MICAL2: variants seen among roughly 807,000 people sequenced by gnomAD.
The protein encoded by MICAL2 is [F-actin]-monooxygenase MICAL2.
A neutral mutation model predicts 127.3 loss-of-function variants in MICAL2; 77 were observed. The ratio of observed to expected loss-of-function variants is 0.60; its 90% confidence interval spans 0.50 to 0.73. MICAL2 has a LOEUF of 0.73. Among genes scored for constraint, MICAL2 ranks in the 30% least tolerant of loss-of-function variants. The pLI, the probability that MICAL2 is intolerant of heterozygous loss-of-function variation, is 0.00. For synonymous variants in MICAL2, 570 were observed against 551.1 expected, an observed-to-expected ratio of 1.03 and a Z score of -0.48; for missense variants, 1,351 against 1,434.4, an observed-to-expected ratio of 0.94 and a Z score of 0.94.
chr11:12,222,491 G>GGGTTAGACAAATATGTCCA, intron 10 of MICAL2, 126 bp from the exon 11 acceptor site: 1 of 1,285,362 alleles, frequency 7.8e-7, no homozygotes, highest in South Asian at 1.4e-5. Flanking sequence ...AGGTATTTCA[G>GGGTTAGACAAATATGTCCA]GGAAGGGTTA....
intron 20 of MICAL2, among the ~76,000 whole-genome samples, chr11:12,243,607 G>A (rs1860277785): frequency 6.6e-6 from 1 of 152,314 alleles, no homozygotes; most frequent in East Asian, 1.9e-4. Context: ...AGAGGCCCCT[G>A]CTGTGGCCAC....
Position 12,221,743 on chromosome 11 carries a change from G to C in MICAL2, c.1306G>C (p.Glu436Gln). 6.2e-7 allele frequency: 1 copy of C among 1,613,462 alleles called. No individual in the cohort carries two copies. Among genetic ancestry groups the C allele is most frequent in the African/African-American group, 1.3e-5 (1 of 75,022 alleles). Residue 436 changes from glutamate (E) to glutamine (Q), a missense_variant, in exon 10 of 28, where the codon GAG becomes CAG. By Grantham distance (29) the Glu-to-Gln change is conservative. Around this residue, in one of 2 missense-constraint regions of MICAL2, gnomAD observed 599 missense variants for 714.9 expected, o/e 0.84. Coordinates refer to ENST00000683283, the MANE Select transcript of MICAL2 (RefSeq NM_001282663.2). ...CTGGAACCAGGGCACCCCTCCCCTGGAGCTGCTGGCTGAAAGGTGAGCTTT... is the reference window on the plus strand; with the variant it reads ...CTGGAACCAGGGCACCCCTCCCCTGCAGCTGCTGGCTGAAAGGTGAGCTTT... ...KSWNQGTPPL[E>Q]LLAERESLYR...
chr11:12,218,315 C>T (rs1015201747), intron 8 of MICAL2, among the ~76,000 whole-genome samples: 4 of 152,178 alleles, frequency 2.6e-5, no homozygotes, highest in African/African-American at 9.7e-5. Flanking sequence ...TTCTGTCCTC[C>T]TGTCCTTGTC....
intron 32 of MICAL2, chr11:12,327,336 A>C: frequency 1.5e-6 from 2 of 1,297,594 alleles, no homozygotes; most frequent in Non-Finnish European, 2.1e-6. Context: ...CCATCTGAGG[A>C]AAACAGACCT....
intron 3 of MICAL2, among the ~76,000 whole-genome samples, chr11:12,187,369 A>G (rs1243239516): frequency 6.6e-6 from 1 of 152,232 alleles, no homozygotes; most frequent in Non-Finnish European, 1.5e-5. Flanking sequence ...TTAGTGAAGC[A>G]TCCTGGCCAG....
At chr11:12,262,383 G>T in intron 26 of MICAL2, 97 bp from the exon 27 acceptor site, 1 of 1,586,690 alleles carries the variant, frequency 6.3e-7, no homozygotes, top group Non-Finnish European at 8.5e-7. Flanking sequence ...TTCAACTCCG[G>T]TGCCTTCTCG....
At chr11:12,349,120 A>T (rs1939003847) in intron 32 of MICAL2, among the ~76,000 whole-genome samples, 1 of 152,198 alleles carries the variant, frequency 6.6e-6, no homozygotes, top group African/African-American at 2.4e-5. Flanking sequence ...TCAGGGTGAA[A>T]TATTCGAAAG....
chr11:12,335,352 AG>A (rs1305628293), intron 32 of MICAL2, among the ~76,000 whole-genome samples: 4 of 151,566 alleles, frequency 2.6e-5, no homozygotes, highest in Non-Finnish European at 3.0e-5. Context: ...TCTGGATATT[AG>A]CCCTTTGTCA....
At chr11:12,163,173 G>A (rs917734044) in intron 3 of MICAL2, among the ~76,000 whole-genome samples, 2 of 152,168 alleles carry the variant, frequency 1.3e-5, no homozygotes, top group African/African-American at 4.8e-5. Context: ...CAGCATCGGC[G>A]AACATAGGCT....
At chr11:12,242,003 G>A (rs1360111463) in intron 18 of MICAL2, among the ~76,000 whole-genome samples, 1 of 152,020 alleles carries the variant, frequency 6.6e-6, no homozygotes, top group Non-Finnish European at 1.5e-5. Context: ...GGGGGTTGGG[G>A]GTGAGGCCCC....
rs150939700 is a variant in MICAL2, at chr11:12,262,157, G to A, written c.3335-323G>A. The A allele has an allele frequency of 4.5e-4, 546 of 1,206,088 alleles. 2 individuals carry two copies. The East Asian group carries it at 0.016, about 36-fold the overall frequency. 74.7% of individuals were successfully genotyped at this position (1,206,088 alleles called of 1,614,324 possible). On this transcript the variant is annotated intron_variant, in intron 26 of 27. Transcript: ENST00000683283. ...CACCGACACCCAGGGGTGGACCCCC[G>A]AGGATGAATGCCTCTAGGCCTCCGC...
intron 3 of MICAL2, among the ~76,000 whole-genome samples, chr11:12,179,727 C>A (rs910791595): frequency 2.0e-5 from 3 of 151,156 alleles, no homozygotes; most frequent in Non-Finnish European, 2.9e-5. Flanking sequence ...GTCCTGCTCT[C>A]GAGGGCTGCC....
At chr11:12,193,795 C>T (rs1275783243) in intron 3 of MICAL2, among the ~76,000 whole-genome samples, 1 of 152,160 alleles carries the variant, frequency 6.6e-6, no homozygotes, top group African/African-American at 2.4e-5. Flanking sequence ...CTTGAGCATG[C>T]TACTTGAGCA....
At chr11:12,158,624 T>C (rs907575621) in intron 2 of MICAL2, among the ~76,000 whole-genome samples, 5 of 152,248 alleles carry the variant, frequency 3.3e-5, no homozygotes, top group Admixed American at 6.5e-5. Flanking sequence ...TTATAAGTAA[T>C]CTAGAGATGA....
chr11:12,189,030 T>C (rs1858711096), intron 3 of MICAL2, among the ~76,000 whole-genome samples: 1 of 152,224 alleles, frequency 6.6e-6, no homozygotes. Context: ...TATTCTTCTT[T>C]CTGATTTTCA....
intron 25 of MICAL2, 132 bp from the exon 26 acceptor site, chr11:12,259,663 C>CG (rs886784905): frequency 6.4e-6 from 5 of 784,512 alleles, no homozygotes; most frequent in Admixed American, 3.5e-5. Flanking sequence ...CAGCATGAGT[C>CG]GGGGGGCTGA....
At chr11:12,206,356 G>A (rs1854681780) in intron 4 of MICAL2, among the ~76,000 whole-genome samples, 1 of 152,144 alleles carries the variant, frequency 6.6e-6, no homozygotes. Context: ...CGTAATGCCG[G>A]TGGGACTCTA....
downstream of MICAL2, among the ~76,000 whole-genome samples, chr11:12,292,979 G>T (rs1354264450): frequency 6.6e-6 from 1 of 152,172 alleles, no homozygotes; most frequent in Non-Finnish European, 1.5e-5. Flanking sequence ...CTTTCTCAGT[G>T]GTGCAATGTG....
intron 8 of MICAL2, among the ~76,000 whole-genome samples, chr11:12,219,718 A>C (rs1322078123): frequency 6.6e-6 from 1 of 152,092 alleles, no homozygotes; most frequent in Non-Finnish European, 1.5e-5. Flanking sequence ...ACACTTTCTG[A>C]TGGCTCCTTT....
Sources: gnomAD v4.1 joint callset for allele counts (sites outside exome capture counted in the v4.1 genomes callset) on GRCh38, gnomAD v4.1.1 for gene constraint, gnomAD v4.1.1 regional missense constraint, MANE v1.5 for transcripts, NCBI Gene and HGNC (gene_info 2026-07-23, HGNC 2026-07-21) for gene names.